CSMD1: variants seen among roughly 807,000 people sequenced by gnomAD.
CSMD1 encodes the protein CUB and Sushi multiple domains 1.
CSMD1 carries 213 observed loss-of-function variants against 417.5 expected under a neutral mutation model. The ratio of observed to expected loss-of-function variants is 0.51; its 90% CI spans 0.46 to 0.57. The LOEUF is 0.57. CSMD1 is among the 20% of genes least tolerant of loss of function. CSMD1 has a pLI of 0.00. For synonymous variants in CSMD1, 2,862 were observed against 1,736.8 expected (o/e 1.65, Z -16.11); for missense variants, 6,923 against 4,529.7 (o/e 1.53, Z -15.17).
At chr8:4,382,703 T>G (rs1803182171) in intron 3 of CSMD1, among the ~76,000 whole-genome samples, 1 of 151,896 alleles carries the variant, frequency 6.6e-6, no homozygotes, top group Non-Finnish European at 1.5e-5. Flanking sequence ...ACATTTGAAT[T>G]TACTGGCTTC....
intron 3 of CSMD1, among the ~76,000 whole-genome samples, chr8:4,320,936 C>T (rs1799240580): frequency 6.6e-6 from 1 of 152,152 alleles, no homozygotes; most frequent in Non-Finnish European, 1.5e-5. Context: ...CCTCTCCTCC[C>T]AGTGTGAGGT....
At chr8:3,710,497 A>C (rs1188585150) in intron 6 of CSMD1, among the ~76,000 whole-genome samples, 1 of 152,128 alleles carries the variant, frequency 6.6e-6, no homozygotes, top group Non-Finnish European at 1.5e-5. Flanking sequence ...CTCTTTTCAA[A>C]TCACTGACAT....
chr8:4,739,884 A>G (rs542757436), intron 1 of CSMD1, among the ~76,000 whole-genome samples: 2 of 152,184 alleles, frequency 1.3e-5, no homozygotes, highest in South Asian at 2.1e-4. Context: ...TCTAAAACTC[A>G]GCATTGACAG....
At chr8:3,760,301 T>A (rs1452441280) in intron 5 of CSMD1, among the ~76,000 whole-genome samples, 4 of 152,158 alleles carry the variant, frequency 2.6e-5, no homozygotes, top group Non-Finnish European at 4.4e-5. Flanking sequence ...AATTAAGCAA[T>A]TTAAAGCAAT....
chr8:3,861,276 A>T (rs564062161), intron 5 of CSMD1, among the ~76,000 whole-genome samples: 1 of 152,310 alleles, frequency 6.6e-6, no homozygotes, highest in South Asian at 2.1e-4. Context: ...GCACTTGAGA[A>T]GATCATTAAA....
At chr8:3,980,884 G>A (rs1253127778) in intron 5 of CSMD1, among the ~76,000 whole-genome samples, 3 of 152,180 alleles carry the variant, frequency 2.0e-5, no homozygotes, top group Non-Finnish European at 2.9e-5. Flanking sequence ...GGTGGAGACT[G>A]TTTTTATTTT....
At chr8:4,734,898 A>C (rs192983358) in intron 1 of CSMD1, among the ~76,000 whole-genome samples, 1 of 152,178 alleles carries the variant, frequency 6.6e-6, no homozygotes, top group Non-Finnish European at 1.5e-5. Flanking sequence ...CAGGCTGGCC[A>C]CAGTATTTCC....
At chr8:4,638,552 G>A (rs1041844880) in intron 1 of CSMD1, among the ~76,000 whole-genome samples, 1 of 152,210 alleles carries the variant, frequency 6.6e-6, no homozygotes, top group Non-Finnish European at 1.5e-5. Context: ...ACACAGGCAG[G>A]ACTTAGGAGG....
intron 28 of CSMD1, 70 bp downstream of exon 28, chr8:3,223,659 T>C (rs1798335247): frequency 4.6e-6 from 7 of 1,520,962 alleles, no homozygotes; most frequent in African/African-American, 1.4e-5. Flanking sequence ...TATGAGGTCA[T>C]AAAAGAAGTA....
intron 2 of CSMD1, among the ~76,000 whole-genome samples, chr8:4,432,735 G>T (rs960076092): frequency 6.6e-6 from 1 of 152,186 alleles, no homozygotes. Context: ...GTTCACAGGA[G>T]ATTTCAAACC....
intron 2 of CSMD1, among the ~76,000 whole-genome samples, chr8:4,556,123 C>T (rs185167940): frequency 7.0e-4 from 107 of 152,226 alleles, no homozygotes; most frequent in African/African-American, 2.5e-3. Context: ...ATAACGCAGA[C>T]ATTAAGATTT....
intron 18 of CSMD1, among the ~76,000 whole-genome samples, chr8:3,371,940 CT>C (rs1403759854): frequency 6.6e-6 from 1 of 152,152 alleles, no homozygotes; most frequent in East Asian, 1.9e-4. Context: ...TGGGCACCTG[CT>C]ATTGAGCAAG....
chr8:2,954,199 T>A, intron 65 of CSMD1, 25 bp downstream of exon 65: 1 of 1,386,002 alleles, frequency 7.2e-7, no homozygotes, highest in Non-Finnish European at 9.9e-7. Context: ...TGGATTGAAA[T>A]CTAGAACTGT....
Position 3,764,739 on chromosome 8 carries a change from CTTTT to C in CSMD1, c.819-10701_819-10698del, listed in dbSNP as rs66603480. Among the ~76,000 whole-genome samples, 330 of 129,752 alleles carry C rather than the reference CTTTT, an allele frequency of 2.5e-3. 2 individuals carry two copies. The highest frequency in any genetic ancestry group is 4.5e-3 in the Admixed American group (59 of 12,982). 85.1% of individuals were successfully genotyped at this position (129,752 alleles called of 152,430 possible). ...ATCACAGCACTGCCCTTTTCTCTTT[CTTTT>C]TTTTTTTTTTTTTTTTATTTTGAGA... On this transcript the variant is annotated intron_variant, in intron 5 of 69. Coordinates refer to ENST00000635120, the MANE Select transcript of CSMD1 (RefSeq NM_033225.6).
chr8:3,900,169 G>A (rs1314951639), intron 5 of CSMD1, among the ~76,000 whole-genome samples: 3 of 152,092 alleles, frequency 2.0e-5, no homozygotes, highest in African/African-American at 7.2e-5. Context: ...ACCACAGCTG[G>A]GTGACAGTGT....
chr8:4,229,259 T>G (rs1801560582), intron 3 of CSMD1, among the ~76,000 whole-genome samples: 2 of 152,204 alleles, frequency 1.3e-5, no homozygotes, highest in Admixed American at 6.5e-5. Context: ...GACGCTGAGA[T>G]GCTGAGCAAT....
chr8:4,787,869 A>G, intron 1 of CSMD1: 1 of 1,573,804 alleles, frequency 6.4e-7, no homozygotes, highest in Non-Finnish European at 8.7e-7. Flanking sequence ...AGAATTGTAC[A>G]CTGGTTGATA....
intron 20 of CSMD1, among the ~76,000 whole-genome samples, chr8:3,360,567 G>C (rs1197392490): frequency 6.6e-6 from 1 of 152,190 alleles, no homozygotes; most frequent in Non-Finnish European, 1.5e-5. Flanking sequence ...AGGAAAATAT[G>C]CTTAGGTATT....
At position 4,287,067 on chromosome 8, in the gene CSMD1, T is replaced by G. The variant is rs536297045; in HGVS notation, c.415+132886A>C. Among the ~76,000 whole-genome samples, 185 of 152,294 alleles carry G rather than the reference T, an allele frequency of 1.2e-3. 1 individual carries two copies. The highest frequency in any genetic ancestry group is 4.4e-3 in the African/African-American group (181 of 41,556). ...TGATTGTACACTAAGGCTTAGTAAC[T>G]TGAGAGAACAAAAAAGAGTTTCAAT... On this transcript the variant is annotated intron_variant, in intron 3 of 69. Coordinates refer to ENST00000635120, the MANE Select transcript of CSMD1 (RefSeq NM_033225.6).
Sources: gnomAD v4.1 joint callset for allele counts (sites outside exome capture counted in the v4.1 genomes callset) on GRCh38, gnomAD v4.1.1 for gene constraint, MANE v1.5 for transcripts, NCBI Gene and HGNC (gene_info 2026-07-23, HGNC 2026-07-21) for gene names.